RPH3A: variants seen among roughly 807,000 people sequenced by gnomAD.
RPH3A encodes rabphilin 3A.
In RPH3A, 48 loss-of-function variants were observed where a neutral mutation model predicts 102.2. The ratio of observed to expected loss-of-function variants is 0.47; its 90% CI spans 0.37 to 0.60. The LOEUF (loss-of-function observed/expected upper bound fraction) is 0.60, where lower values mean the gene tolerates loss of function less well. Ranked by LOEUF, RPH3A falls within the 20% of genes least tolerant of loss-of-function variation. The pLI is 0.00. For missense variants in RPH3A, 781 were observed against 910.1 expected (o/e 0.86, Z 1.83); for synonymous variants, 310 against 324.3 (o/e 0.96, Z 0.47).
At position 112,896,896 on chromosome 12, in the gene RPH3A, C is replaced by T. The variant is rs2043187993; in HGVS notation, c.*116C>T. 8.6e-7 allele frequency: 1 copy of T among 1,168,856 alleles called. No homozygotes were observed. The highest frequency in any genetic ancestry group is 1.2e-6 in the Non-Finnish European group (1 of 830,164). The allele number at this position is 1,168,856 out of a possible 1,614,324, so 72.4% of individuals were successfully genotyped here. A position where few individuals can be genotyped will look rare whatever the true frequency, so the allele number is the denominator to read the frequency against. ...ACCTCCCCCCATACCCTGCTGATCT[C>T]CCTGAGCCTGCCTTTGAGCCCCCGT... On this transcript the variant is annotated 3_prime_UTR_variant, in exon 22 of 22. Coordinates refer to ENST00000389385, the MANE Select transcript of RPH3A (RefSeq NM_001143854.2).
At chr12:112,713,893 C>G (rs1245655382) in intron 1 of RPH3A, among the ~76,000 whole-genome samples, 1 of 152,138 alleles carries the variant, frequency 6.6e-6, no homozygotes, top group Non-Finnish European at 1.5e-5. Context: ...TGAGACCAGG[C>G]AGCTGGCTTC....
At chr12:112,847,498 G>A (rs955841758) in intron 4 of RPH3A, among the ~76,000 whole-genome samples, 198 bp from the exon 5 acceptor site, 6 of 152,190 alleles carry the variant, frequency 3.9e-5, no homozygotes, top group African/African-American at 1.4e-4. Context: ...AGTGTCTACT[G>A]TGTACTAAGC....
chr12:112,673,558 G>A (rs979248343), intron 1 of RPH3A, among the ~76,000 whole-genome samples: 1 of 151,800 alleles, frequency 6.6e-6, no homozygotes, highest in African/African-American at 2.4e-5. Flanking sequence ...AAATCCGTGG[G>A]TACATAGTAG....
At chr12:112,675,286 G>A (rs984349708) in intron 1 of RPH3A, among the ~76,000 whole-genome samples, 2 of 152,048 alleles carry the variant, frequency 1.3e-5, no homozygotes, top group African/African-American at 4.8e-5. Flanking sequence ...ACATCTCTTG[G>A]AGGTTCACAA....
At chr12:112,659,824 G>T (rs1364288530) in intron 1 of RPH3A, among the ~76,000 whole-genome samples, 2 of 152,140 alleles carry the variant, frequency 1.3e-5, no homozygotes, top group Non-Finnish European at 2.9e-5. Flanking sequence ...CTGACTCCTA[G>T]GTCTGTTTGA....
In RPH3A at chr12:112,605,373, TCAAA is replaced by T. The variant is rs535018938; in HGVS notation, c.-140+30075_-140+30078del. ...CTGGTTGGCAGAGCAAGACTCCATC[TCAAA>T]CAAACAAACAAACAAACAAAAAACA... On this transcript the variant is annotated intron_variant, in intron 1 of 21. Coordinates refer to the RPH3A transcript ENST00000543106. 6.4e-4 allele frequency among the ~76,000 whole-genome samples: 97 copies of T among 151,990 alleles called. 1 individual carries two copies. The highest frequency in any genetic ancestry group is 4.0e-3 in the South Asian group (19 of 4,786).
In RPH3A at chr12:112,875,116, A is replaced by C; in HGVS notation, c.829A>C (p.Arg277=). The C allele has an allele frequency of 6.2e-7, 1 of 1,610,396 alleles. No homozygotes were observed. The highest frequency in any genetic ancestry group is 8.5e-7 in the Non-Finnish European group (1 of 1,178,816). Residue 277 remains arginine (R), a synonymous_variant, in exon 11 of 22, where the codon AGA becomes CGA. Coordinates refer to ENST00000389385, the MANE Select transcript of RPH3A (RefSeq NM_001143854.2). ...LRRANSVQAS[R]PAPGSVQSPA... ...ACGGGCCAACTCAGTCCAGGCCTCCAGACCTGCCCCAGGCTCGGTGCAGAG... is the reference window on the plus strand; with the variant it reads ...ACGGGCCAACTCAGTCCAGGCCTCCCGACCTGCCCCAGGCTCGGTGCAGAG...
At chr12:112,825,370 G>A (rs1442307101) in intron 2 of RPH3A, among the ~76,000 whole-genome samples, 1 of 152,108 alleles carries the variant, frequency 6.6e-6, no homozygotes, top group African/African-American at 2.4e-5. Context: ...AATTACAAAG[G>A]ATACAGGACA....
intron 13 of RPH3A, among the ~76,000 whole-genome samples, chr12:112,877,573 A>G (rs2042830729): frequency 6.6e-6 from 1 of 152,110 alleles, no homozygotes; most frequent in African/African-American, 2.4e-5. Context: ...TGGGGACATT[A>G]CCAGTTGTTT....
intron 1 of RPH3A, among the ~76,000 whole-genome samples, chr12:112,737,272 GA>G (rs2040676311): frequency 6.6e-6 from 1 of 152,058 alleles, no homozygotes; most frequent in Non-Finnish European, 1.5e-5. Flanking sequence ...TGAGATTGAG[GA>G]CTGTGGACCA....
At position 112,611,708 on chromosome 12, in the gene RPH3A, A is replaced by G. The variant is rs536498471; in HGVS notation, c.-140+36389A>G. 2.0e-5 allele frequency among the ~76,000 whole-genome samples: 3 copies of G among 152,270 alleles called. No homozygotes were observed. The South Asian group carries it at 6.2e-4, about 32-fold the overall frequency. ...TTATCCACCTACCTCAGCCTCCCGAAGTGCTGGGATTACAGGTATGAGCCA... is the reference window on the plus strand; with the variant it reads ...TTATCCACCTACCTCAGCCTCCCGAGGTGCTGGGATTACAGGTATGAGCCA... On this transcript the variant is annotated intron_variant, in intron 1 of 21. Coordinates refer to the RPH3A transcript ENST00000543106.
At chr12:112,781,891 G>A (rs528294092) in intron 1 of RPH3A, among the ~76,000 whole-genome samples, 23 of 152,322 alleles carry the variant, frequency 1.5e-4, no homozygotes, top group Non-Finnish European at 2.1e-4. Flanking sequence ...TAGAAAACAT[G>A]GAGTTTCTTG....
intron 1 of RPH3A, among the ~76,000 whole-genome samples, chr12:112,607,006 C>A (rs2039601502): frequency 6.6e-6 from 1 of 152,154 alleles, no homozygotes; most frequent in Admixed American, 6.5e-5. Flanking sequence ...TAAAACAGTA[C>A]CTACTTCATA....
chr12:112,734,473 AG>A (rs1447918353), intron 1 of RPH3A, among the ~76,000 whole-genome samples: 3 of 152,204 alleles, frequency 2.0e-5, no homozygotes, highest in Non-Finnish European at 4.4e-5. Flanking sequence ...GTTACCAGAA[AG>A]GGGTCCTAAT....
intron 1 of RPH3A, among the ~76,000 whole-genome samples, chr12:112,653,598 A>C (rs1212784794): frequency 6.6e-6 from 1 of 152,114 alleles, no homozygotes; most frequent in Non-Finnish European, 1.5e-5. Flanking sequence ...TCAATAATAA[A>C]TTAGCTTATT....
At chr12:112,788,708 G>A (rs1185445014), upstream of RPH3A, among the ~76,000 whole-genome samples, 1 of 152,192 alleles carries the variant, frequency 6.6e-6, no homozygotes, top group Admixed American at 6.5e-5. Flanking sequence ...TTCATGAGAG[G>A]CCCTCCCAGA....
At chr12:112,775,289 A>G (rs954964585) in intron 1 of RPH3A, among the ~76,000 whole-genome samples, 3 of 152,232 alleles carry the variant, frequency 2.0e-5, no homozygotes, top group African/African-American at 7.2e-5. Flanking sequence ...AATACCAAAA[A>G]AAGGGAACAT....
intron 2 of RPH3A, among the ~76,000 whole-genome samples, chr12:112,819,700 G>A (rs1233978996): frequency 6.6e-6 from 1 of 152,260 alleles, no homozygotes; most frequent in Non-Finnish European, 1.5e-5. Flanking sequence ...GGCTGGGCTT[G>A]TTCGTGTGTC....
intron 1 of RPH3A, among the ~76,000 whole-genome samples, chr12:112,724,524 C>T (rs1216465866): frequency 6.6e-6 from 1 of 152,166 alleles, no homozygotes; most frequent in Non-Finnish European, 1.5e-5. Context: ...TGTATATATA[C>T]TGCTATTTCT....
Sources: allele counts gnomAD v4.1 joint callset (sites outside exome capture counted in the v4.1 genomes callset), GRCh38; gene constraint gnomAD v4.1.1; transcripts MANE v1.5; gene names NCBI Gene and HGNC (gene_info 2026-07-23, HGNC 2026-07-21).